Variants in SDK1 observed in about 807,000 individuals in gnomAD.
SDK1 encodes the protein protein sidekick-1.
SDK1 carries 157 observed loss-of-function variants against 245.5 expected under a neutral mutation model. That is an observed-to-expected ratio of 0.64 (90% confidence interval 0.56 to 0.73). The LOEUF (loss-of-function observed/expected upper bound fraction) is 0.73, where lower values mean the gene tolerates loss of function less well. Ranked by LOEUF, SDK1 falls within the 30% of genes least tolerant of loss-of-function variation. The pLI is 0.00. For missense variants in SDK1, 3,583 were observed against 3,002.3 expected, an observed-to-expected ratio of 1.19 and a Z score of -4.52; for synonymous variants, 1,647 against 1,278.5, an observed-to-expected ratio of 1.29 and a Z score of -6.15.
At chr7:3,711,100 G>A (rs576356245) in intron 4 of SDK1, among the ~76,000 whole-genome samples, 14 of 152,192 alleles carry the variant, frequency 9.2e-5, no homozygotes, top group East Asian at 3.9e-4. Context: ...AAATAGTTTC[G>A]TATCCAAAAG....
At chr7:4,235,898 G>A (rs118122932) in intron 41 of SDK1, among the ~76,000 whole-genome samples, 2,685 of 152,322 alleles carry the variant, frequency 0.018, 52 homozygotes, top group South Asian at 0.098. Flanking sequence ...AGGACAGCCC[G>A]GCCTTCCTTT....
chr7:3,661,699 A>T (rs1783361723), intron 4 of SDK1, among the ~76,000 whole-genome samples: 1 of 152,188 alleles, frequency 6.6e-6, no homozygotes, highest in Non-Finnish European at 1.5e-5. Context: ...AATATATATG[A>T]TTTGGAAAAA....
intron 1 of SDK1, among the ~76,000 whole-genome samples, chr7:3,416,301 C>G (rs1163795714): frequency 6.6e-6 from 1 of 152,042 alleles, no homozygotes; most frequent in East Asian, 1.9e-4. Flanking sequence ...GTTGGTCTCA[C>G]TTTTTTGTGT....
intron 4 of SDK1, among the ~76,000 whole-genome samples, chr7:3,750,136 C>G (rs1348124232): frequency 6.6e-6 from 1 of 152,180 alleles, no homozygotes; most frequent in Admixed American, 6.5e-5. Flanking sequence ...GTTATTTTGA[C>G]TGGTTCAATT....
intron 4 of SDK1, among the ~76,000 whole-genome samples, chr7:3,718,689 A>T (rs1785275954): frequency 6.6e-6 from 1 of 152,174 alleles, no homozygotes; most frequent in Non-Finnish European, 1.5e-5. Context: ...CAACTAATAC[A>T]CTTAGTGGTG....
intron 4 of SDK1, among the ~76,000 whole-genome samples, chr7:3,766,917 T>C (rs1057363243): frequency 6.6e-6 from 1 of 152,240 alleles, no homozygotes; most frequent in African/African-American, 2.4e-5. Context: ...CCAAAAGTGG[T>C]TCTATTTAAA....
At chr7:3,668,555 C>G (rs1398242683) in intron 4 of SDK1, among the ~76,000 whole-genome samples, 1 of 152,206 alleles carries the variant, frequency 6.6e-6, no homozygotes, top group African/African-American at 2.4e-5. Context: ...GCAGGCAGAT[C>G]ACATGGTCAA....
intron 5 of SDK1, among the ~76,000 whole-genome samples, chr7:3,896,941 C>A (rs1430758109): frequency 6.6e-6 from 1 of 152,044 alleles, no homozygotes; most frequent in Non-Finnish European, 1.5e-5. Context: ...GCTGGGGAGG[C>A]CTCAGGAAAG....
chr7:3,733,382 C>G lies in SDK1; in HGVS notation c.714-88068C>G, dbSNP rs142228369. 3.5e-3 allele frequency among the ~76,000 whole-genome samples: 531 copies of G among 152,258 alleles called. 3 individuals carry two copies. The highest frequency in any genetic ancestry group is 0.017 in the South Asian group (80 of 4,814). On this transcript the variant is annotated intron_variant, in intron 4 of 44. Transcript: ENST00000404826. Reference sequence around the variant, plus strand: ...TAGCGTCTCATTCATTAGAGACTATCTTATGAGTTAGTGTGCATGATTGAT... The same window carrying G: ...TAGCGTCTCATTCATTAGAGACTATGTTATGAGTTAGTGTGCATGATTGAT...
intron 4 of SDK1, among the ~76,000 whole-genome samples, chr7:3,692,299 T>C (rs1477193022): frequency 6.6e-6 from 1 of 152,056 alleles, no homozygotes; most frequent in African/African-American, 2.4e-5. Flanking sequence ...CAGCCCAAAA[T>C]AACTTGTTAC....
intron 5 of SDK1, among the ~76,000 whole-genome samples, chr7:3,849,399 C>CA (rs767463499): frequency 3.3e-5 from 5 of 152,202 alleles, no homozygotes; most frequent in Non-Finnish European, 7.3e-5. Context: ...GCCCAGGACA[C>CA]AGAGTTTAGA....
At chr7:3,843,366 A>T (rs181661352) in intron 5 of SDK1, among the ~76,000 whole-genome samples, 1 of 152,330 alleles carries the variant, frequency 6.6e-6, no homozygotes, top group East Asian at 1.9e-4. Flanking sequence ...GTAACTGCAG[A>T]TGGGATATGA....
chr7:3,479,218 T>G (rs988884183), intron 1 of SDK1, among the ~76,000 whole-genome samples: 1 of 151,948 alleles, frequency 6.6e-6, no homozygotes, highest in Non-Finnish European at 1.5e-5. Context: ...GGTCAGGAGT[T>G]CGAGACCATC....
intron 38 of SDK1, among the ~76,000 whole-genome samples, chr7:4,213,300 C>G (rs1784599934): frequency 2.6e-5 from 4 of 151,684 alleles, no homozygotes. Flanking sequence ...GTAATCCCAG[C>G]TACTCCAGAG....
At chr7:3,634,780 A>G (rs752814874) in intron 2 of SDK1, among the ~76,000 whole-genome samples, 1 of 152,210 alleles carries the variant, frequency 6.6e-6, no homozygotes, top group Non-Finnish European at 1.5e-5. Flanking sequence ...TAGACTAAAG[A>G]GATGGTACAA....
intron 1 of SDK1, among the ~76,000 whole-genome samples, chr7:3,303,299 G>A (rs1779330728): frequency 6.6e-6 from 1 of 152,144 alleles, no homozygotes. Context: ...AATCACTTAG[G>A]ATGACCTTTA....
chr7:3,932,661 A>T (rs1032900279), intron 5 of SDK1, among the ~76,000 whole-genome samples: 1 of 152,202 alleles, frequency 6.6e-6, no homozygotes, highest in Non-Finnish European at 1.5e-5. Flanking sequence ...ATGAAAAGAG[A>T]TGGGAAAACA....
intron 1 of SDK1, among the ~76,000 whole-genome samples, chr7:3,336,149 C>T (rs1376283959): frequency 1.3e-5 from 2 of 152,198 alleles, no homozygotes; most frequent in African/African-American, 4.8e-5. Context: ...GAGCTTTTGT[C>T]AGTACTCACT....
chr7:3,650,200 T>C (rs919006128), intron 4 of SDK1, among the ~76,000 whole-genome samples: 2 of 152,076 alleles, frequency 1.3e-5, no homozygotes, highest in Non-Finnish European at 2.9e-5. Flanking sequence ...CAGGTGTGAG[T>C]CACCATCCCT....
Sources: gnomAD v4.1 joint callset for allele counts (sites outside exome capture counted in the v4.1 genomes callset) on GRCh38, gnomAD v4.1.1 for gene constraint, MANE v1.5 for transcripts, NCBI Gene and HGNC (gene_info 2026-07-23, HGNC 2026-07-21) for gene names.